Variants in MKLN1 observed in about 807,000 individuals in gnomAD.
MKLN1 encodes muskelin 1.
MKLN1 carries 18 observed loss-of-function variants against 99.0 expected under a neutral mutation model. The ratio of observed to expected loss-of-function variants is 0.18; its 90% confidence interval spans 0.13 to 0.27. MKLN1 has a LOEUF of 0.27. Ranked by LOEUF, MKLN1 falls within the 10% of genes least tolerant of loss-of-function variation. The pLI is 1.00. For synonymous variants in MKLN1, 288 were observed against 293.2 expected, an observed-to-expected ratio of 0.98 and a Z score of 0.18; for missense variants, 621 against 875.9, an observed-to-expected ratio of 0.71 and a Z score of 3.67.
At chr7:131,477,749 A>G (rs184082384) in intron 16 of MKLN1, among the ~76,000 whole-genome samples, 16 of 152,366 alleles carry the variant, frequency 1.1e-4, no homozygotes, top group African/African-American at 3.6e-4. Flanking sequence ...CTGAAATGTT[A>G]AAGGCTGCAA....
chr7:131,129,895 A>G (rs932860810), intron 1 of MKLN1, among the ~76,000 whole-genome samples: 6 of 152,172 alleles, frequency 3.9e-5, no homozygotes, highest in Admixed American at 3.9e-4. Context: ...ATTTTTAAGT[A>G]TATTTTCTCA....
chr7:131,365,338 G>A (rs1315561855), intron 1 of MKLN1, among the ~76,000 whole-genome samples: 1 of 152,116 alleles, frequency 6.6e-6, no homozygotes, highest in Admixed American at 6.6e-5. Context: ...TATAGATGCT[G>A]TATATTAGAC....
rs952296173 is a variant in MKLN1 at position 131,226,803 on chromosome 7, G to GT, written c.-179+23837dup. On this transcript the variant is annotated intron_variant, in intron 3 of 7. Transcript: ENST00000416992. Reference sequence around the variant, plus strand: ...TTGCTGTGTGTTTTTGTTTGTTGGGGTTTTTTTTGTTTTGTTGTGTTTTGT... The same window carrying GT: ...TTGCTGTGTGTTTTTGTTTGTTGGGGTTTTTTTTTGTTTTGTTGTGTTTTGT... Among the ~76,000 whole-genome samples, 11 of 151,888 alleles carry GT rather than the reference G, an allele frequency of 7.2e-5. No homozygotes were observed. In the South Asian group the frequency reaches 1.0e-3, roughly 14 times the overall value.
At chr7:131,254,867 C>A (rs939752842) in intron 3 of MKLN1, among the ~76,000 whole-genome samples, 4 of 150,922 alleles carry the variant, frequency 2.7e-5, no homozygotes, top group Non-Finnish European at 4.4e-5. Flanking sequence ...GAGAGAGGAG[C>A]GGAAAAAAAT....
intron 15 of MKLN1, among the ~76,000 whole-genome samples, chr7:131,468,472 C>A (rs543014483): frequency 2.0e-5 from 3 of 151,578 alleles, no homozygotes; most frequent in Non-Finnish European, 4.4e-5. Flanking sequence ...TTGTTTTGTT[C>A]GTAATGGAAA....
chr7:131,411,285 C>T, intron 6 of MKLN1, 21 bp from the exon 7 acceptor site: 1 of 1,496,652 alleles, frequency 6.7e-7, no homozygotes. Context: ...GTAATTCTTT[C>T]TCATTCTTCA....
Position 131,436,218 on chromosome 7 carries a change from T to C in MKLN1, c.961-1567T>C, listed in dbSNP as rs141603154. 5.6e-4 allele frequency among the ~76,000 whole-genome samples: 85 copies of C among 152,284 alleles called. No individual in the cohort carries two copies. The East Asian group carries it at 5.8e-3, about 10-fold the overall frequency. ...TTGTCAAAATACTGTTCTTCCTGCC[T>C]AATATTCCTTCATTTCACTTAATTA... is the stretch of plus-strand genomic sequence containing the variant. On this transcript the variant is annotated intron_variant, in intron 9 of 17. Transcript: ENST00000352689.
intron 1 of MKLN1, among the ~76,000 whole-genome samples, chr7:131,340,483 T>G (rs1397699366): frequency 6.6e-6 from 1 of 152,116 alleles, no homozygotes; most frequent in Non-Finnish European, 1.5e-5. Flanking sequence ...TTCATCATGT[T>G]GGCCAGGCTG....
At chr7:131,482,094 A>C (rs1797140259) in intron 17 of MKLN1, among the ~76,000 whole-genome samples, 1 of 152,194 alleles carries the variant, frequency 6.6e-6, no homozygotes, top group African/African-American at 2.4e-5. Flanking sequence ...GCTATATCTT[A>C]TTTCTAGAAA....
intron 8 of MKLN1, among the ~76,000 whole-genome samples, chr7:131,417,001 A>C (rs1459069123): frequency 6.6e-6 from 1 of 151,506 alleles, no homozygotes; most frequent in African/African-American, 2.4e-5. Flanking sequence ...AAAAAAAAAA[A>C]AACTCAAAGA....
chr7:131,312,378 G>A (rs1432961902), intron 3 of MKLN1, among the ~76,000 whole-genome samples: 1 of 152,128 alleles, frequency 6.6e-6, no homozygotes, highest in Non-Finnish European at 1.5e-5. Context: ...CTATTAAAGA[G>A]CAGATTAATG....
intron 3 of MKLN1, among the ~76,000 whole-genome samples, chr7:131,250,074 G>A (rs1342827046): frequency 6.6e-6 from 1 of 152,188 alleles, no homozygotes. Flanking sequence ...AGGAAATAAT[G>A]TGGGCCCAGC....
intron 3 of MKLN1, among the ~76,000 whole-genome samples, chr7:131,205,388 G>T (rs927482229): frequency 3.9e-5 from 6 of 152,140 alleles, no homozygotes; most frequent in South Asian, 4.2e-4. Flanking sequence ...TTTGTTTTCC[G>T]ATCGCTTCTT....
chr7:131,380,728 G>A (rs1343735680), intron 2 of MKLN1, among the ~76,000 whole-genome samples: 1 of 152,138 alleles, frequency 6.6e-6, no homozygotes, highest in Admixed American at 6.5e-5. Flanking sequence ...TTTTGAATAA[G>A]GAGAAACCTT....
chr7:131,354,831 C>A (rs534130639), intron 1 of MKLN1, among the ~76,000 whole-genome samples: 2 of 152,260 alleles, frequency 1.3e-5, no homozygotes, highest in South Asian at 2.1e-4. Flanking sequence ...TTATATCTAT[C>A]GAAACATTTA....
chr7:131,424,629 G>A (rs1342001278), intron 8 of MKLN1, among the ~76,000 whole-genome samples: 3 of 152,090 alleles, frequency 2.0e-5, no homozygotes, highest in African/African-American at 7.2e-5. Flanking sequence ...GGTAGCTCCA[G>A]GGTTTGTTTT....
At chr7:131,199,166 C>T (rs1796690150) in intron 2 of MKLN1, among the ~76,000 whole-genome samples, 1 of 151,388 alleles carries the variant, frequency 6.6e-6, no homozygotes, top group Admixed American at 6.6e-5. Flanking sequence ...GGAAACATAT[C>T]TTATGTTTTA....
rs568466494 is a variant in MKLN1 at position 131,495,724 on chromosome 7, C to A, written c.*7996C>A. 1 of 152,066 alleles carries A rather than the reference C, an allele frequency of 6.6e-6. No individual in the cohort carries two copies. The highest frequency in any genetic ancestry group is 2.4e-5 in the African/African-American group (1 of 41,396). 9.4% of individuals were successfully genotyped at this position (152,066 alleles called of 1,614,324 possible). A position where few individuals can be genotyped will look rare whatever the true frequency, so the allele number is the denominator to read the frequency against. ...ATTGCCGTTTTCTAGACAGACAATC[C>A]GAAAATAATTGTGTTGATAGGTCTG... On this transcript the variant is annotated 3_prime_UTR_variant, in exon 18 of 18. Coordinates refer to ENST00000352689, the MANE Select transcript of MKLN1 (RefSeq NM_013255.5).
chr7:131,489,628 C>G lies in MKLN1; in HGVS notation c.*1900C>G, dbSNP rs1031855137. The G allele has an allele frequency of 6.6e-6, 1 of 152,068 alleles. No homozygotes were observed. Among genetic ancestry groups the G allele is most frequent in the Non-Finnish European group, 1.5e-5 (1 of 67,996 alleles). The allele number at this position is 152,068 out of a possible 1,614,324, so 9.4% of individuals were successfully genotyped here. ...CCTAAATTTAAAAGCTCTAGTTTTG[C>G]TTAGTGTGAATTCTGGCACTTTAAA... On this transcript the variant is annotated 3_prime_UTR_variant, in exon 18 of 18. Transcript: ENST00000352689.
Sources: allele counts gnomAD v4.1 joint callset (sites outside exome capture counted in the v4.1 genomes callset), GRCh38; gene constraint gnomAD v4.1.1; transcripts MANE v1.5; gene names NCBI Gene and HGNC (gene_info 2026-07-23, HGNC 2026-07-21).